The following CNTNAP2 variants were observed in gnomAD, a reference collection of about 807,000 sequenced individuals.
The protein encoded by CNTNAP2 is contactin associated protein 2, also known as contactin-associated protein-like 2.
CNTNAP2 carries 98 observed loss-of-function variants against 155.2 expected under a neutral mutation model. The ratio of observed to expected loss-of-function variants is 0.63; its 90% CI spans 0.54 to 0.75. The LOEUF is 0.75. Ranked by LOEUF, CNTNAP2 falls within the 30% of genes least tolerant of loss-of-function variation. CNTNAP2 has a pLI of 0.00. For synonymous variants in CNTNAP2, 651 were observed against 631.2 expected, an observed-to-expected ratio of 1.03 and a Z score of -0.47; for missense variants, 1,727 against 1,688.1, an observed-to-expected ratio of 1.02 and a Z score of -0.40.
At chr7:147,079,607 G>GATA (rs199892012) in intron 4 of CNTNAP2, among the ~76,000 whole-genome samples, 3 of 147,402 alleles carry the variant, frequency 2.0e-5, no homozygotes, top group Admixed American at 6.8e-5. Context: ...TAATAATAAT[G>GATA]ATAATAATAA....
chr7:147,892,196 C>T (rs1164371789), intron 13 of CNTNAP2, among the ~76,000 whole-genome samples: 1 of 152,142 alleles, frequency 6.6e-6, no homozygotes, highest in Non-Finnish European at 1.5e-5. Context: ...AATGGTTACA[C>T]ATAAAAGCGT....
chr7:146,147,426 T>G (rs1797972921), intron 1 of CNTNAP2, among the ~76,000 whole-genome samples: 1 of 152,224 alleles, frequency 6.6e-6, no homozygotes, highest in African/African-American at 2.4e-5. Context: ...GATGGCTGGG[T>G]TTTTCCTGTC....
chr7:147,949,882 C>A (rs989033269), intron 14 of CNTNAP2, among the ~76,000 whole-genome samples: 1 of 152,054 alleles, frequency 6.6e-6, no homozygotes, highest in Non-Finnish European at 1.5e-5. Context: ...AGTACCTGGT[C>A]ACAGCCCATA....
chr7:148,316,549 A>G (rs988994916), intron 21 of CNTNAP2, among the ~76,000 whole-genome samples: 1 of 152,294 alleles, frequency 6.6e-6, no homozygotes, highest in Admixed American at 6.5e-5. Flanking sequence ...GGCACAAATA[A>G]TACCCGCACA....
chr7:148,350,206 G>T (rs564444010), intron 21 of CNTNAP2, among the ~76,000 whole-genome samples: 1 of 151,274 alleles, frequency 6.6e-6, no homozygotes, highest in Non-Finnish European at 1.5e-5. Flanking sequence ...GATGTATTCG[G>T]TGTGGGGAAT....
chr7:147,147,349 A>G (rs974999161), intron 8 of CNTNAP2, among the ~76,000 whole-genome samples: 1 of 152,218 alleles, frequency 6.6e-6, no homozygotes, highest in Non-Finnish European at 1.5e-5. Context: ...ACCAAACCAT[A>G]TCAGTATATA....
intron 21 of CNTNAP2, among the ~76,000 whole-genome samples, chr7:148,330,994 C>G (rs1419277533): frequency 9.1e-6 from 1 of 109,938 alleles, no homozygotes; most frequent in African/African-American, 3.7e-5. Flanking sequence ...GGAATGAACG[C>G]ATGGAATGAA....
Position 146,446,981 on chromosome 7 carries a change from C to T in CNTNAP2, c.98-327290C>T, listed in dbSNP as rs570893819. ...ATTTATACTAACTATGGCTTCAATA[C>T]CTAGCAATATTTTTATTTTATTGTT... On this transcript the variant is annotated intron_variant, in intron 1 of 23. Transcript: ENST00000361727. Among the ~76,000 whole-genome samples, 13 of 151,986 alleles carry T rather than the reference C, an allele frequency of 8.6e-5. No homozygotes were observed. In the South Asian group the frequency reaches 2.7e-3, roughly 32 times the overall value.
At chr7:146,362,766 CTT>C (rs773124124) in intron 1 of CNTNAP2, among the ~76,000 whole-genome samples, 21,131 of 94,866 alleles carry the variant, frequency 0.22, 836 homozygotes, top group Admixed American at 0.33. Flanking sequence ...TCACACAGCA[CTT>C]TTTTTTTTTT....
At position 146,441,653 on chromosome 7, in the gene CNTNAP2, G is replaced by T. The variant is rs184564843; in HGVS notation, c.97+324680G>T. On this transcript the variant is annotated intron_variant, in intron 1 of 23. Coordinates refer to ENST00000361727, the MANE Select transcript of CNTNAP2 (RefSeq NM_014141.6). ...AAGGTCCTCTTTGCTCTTGAATCTC[G>T]CATTCCTCTCTGGGTTTTTGCCAGT... 3.6e-4 allele frequency among the ~76,000 whole-genome samples: 54 copies of T among 151,490 alleles called. 2 individuals carry two copies. Among genetic ancestry groups the T allele is most frequent in the African/African-American group, 1.1e-3 (44 of 40,834 alleles).
chr7:147,284,176 C>A (rs1172796732), intron 8 of CNTNAP2, among the ~76,000 whole-genome samples: 7 of 151,510 alleles, frequency 4.6e-5, no homozygotes, highest in Non-Finnish European at 8.9e-5. Flanking sequence ...TTTTTCCCCC[C>A]AAATCAATAC....
chr7:146,932,967 G>C (rs1335286822), intron 3 of CNTNAP2, among the ~76,000 whole-genome samples: 1 of 152,128 alleles, frequency 6.6e-6, no homozygotes, highest in Non-Finnish European at 1.5e-5. Flanking sequence ...AACATTCCAT[G>C]CTCATGGGTA....
chr7:148,149,680 C>T (rs190859767), intron 17 of CNTNAP2, among the ~76,000 whole-genome samples: 39 of 152,068 alleles, frequency 2.6e-4, no homozygotes, highest in African/African-American at 8.7e-4. Flanking sequence ...GCCTCCTGAG[C>T]AGCTGGGACT....
intron 1 of CNTNAP2, among the ~76,000 whole-genome samples, chr7:146,674,770 C>T (rs550925979): frequency 1.1e-4 from 17 of 151,982 alleles, no homozygotes; most frequent in East Asian, 1.9e-4. Context: ...CCTGGGTGGC[C>T]GGAGTAGGTT....
chr7:147,435,542 T>C (rs192200571), intron 10 of CNTNAP2, among the ~76,000 whole-genome samples: 1 of 152,238 alleles, frequency 6.6e-6, no homozygotes, highest in Non-Finnish European at 1.5e-5. Flanking sequence ...ACAAGAATGT[T>C]TGTGACTTAG....
intron 15 of CNTNAP2, among the ~76,000 whole-genome samples, chr7:148,066,235 T>TCTA (rs1441253615): frequency 2.6e-5 from 4 of 152,240 alleles, no homozygotes; most frequent in Non-Finnish European, 4.4e-5. Flanking sequence ...TTGTCTTGAC[T>TCTA]TTAGATAACC....
intron 1 of CNTNAP2, among the ~76,000 whole-genome samples, chr7:146,612,403 TTAAAAA>T (rs1288332946): frequency 6.6e-6 from 1 of 152,184 alleles, no homozygotes; most frequent in Non-Finnish European, 1.5e-5. Flanking sequence ...CATAATTTTT[TTAAAAA>T]TGAAAATTCT....
chr7:147,037,798 C>T (rs1054738352), intron 3 of CNTNAP2, among the ~76,000 whole-genome samples: 5 of 152,220 alleles, frequency 3.3e-5, no homozygotes, highest in Non-Finnish European at 4.4e-5. Context: ...ACATGTTAGA[C>T]GTTGTTTTTA....
chr7:146,932,132 C>T (rs750473078), intron 3 of CNTNAP2, among the ~76,000 whole-genome samples: 3 of 151,720 alleles, frequency 2.0e-5, no homozygotes, highest in African/African-American at 4.8e-5. Context: ...GAGACACAAC[C>T]AAAAAAGAGA....
Sources: allele counts gnomAD v4.1 joint callset (sites outside exome capture counted in the v4.1 genomes callset), GRCh38; gene constraint gnomAD v4.1.1; transcripts MANE v1.5; gene names NCBI Gene and HGNC (gene_info 2026-07-23, HGNC 2026-07-21).